Variants in CCDC192 observed in about 807,000 individuals in gnomAD.
CCDC192 encodes coiled-coil domain-containing protein 192.
At chr5:127,807,916 T>C (rs1757882387) in intron 5 of CCDC192, among the ~76,000 whole-genome samples, 1 of 152,132 alleles carries the variant, frequency 6.6e-6, no homozygotes. Context: ...AGAGCTACTT[T>C]ATTGAATGGC....
intron 2 of CCDC192, among the ~76,000 whole-genome samples, chr5:127,747,341 G>C (rs189105827): frequency 1.6e-3 from 248 of 151,888 alleles, no homozygotes; most frequent in African/African-American, 5.7e-3. Context: ...CCACCTATGA[G>C]TGAGAATATG....
chr5:127,917,393 T>G (rs1487729154), intron 6 of CCDC192, among the ~76,000 whole-genome samples: 1 of 152,240 alleles, frequency 6.6e-6, no homozygotes, highest in Non-Finnish European at 1.5e-5. Context: ...CATTCACAAC[T>G]TGGCTAACCG....
At chr5:127,806,283 G>C (rs557897646) in intron 5 of CCDC192, among the ~76,000 whole-genome samples, 85 of 152,180 alleles carry the variant, frequency 5.6e-4, no homozygotes, top group African/African-American at 2.0e-3. Flanking sequence ...ATCACACAAG[G>C]ACCCTGGCTG....
chr5:127,917,267 T>G (rs1480010334), intron 6 of CCDC192, among the ~76,000 whole-genome samples: 4 of 152,258 alleles, frequency 2.6e-5, no homozygotes, highest in African/African-American at 9.6e-5. Flanking sequence ...GGCTGGTTTG[T>G]ACTTCTATCC....
intron 6 of CCDC192, among the ~76,000 whole-genome samples, chr5:127,915,396 G>A (rs1158700312): frequency 6.6e-6 from 1 of 151,772 alleles, no homozygotes; most frequent in Admixed American, 6.6e-5. Context: ...TCTTTTTTTT[G>A]TTTTTGAGAT....
In CCDC192 at chr5:127,909,506, CAT is replaced by C. The variant is rs542388802; in HGVS notation, c.536-31675_536-31674del. Among the ~76,000 whole-genome samples the C allele has an allele frequency of 1.4e-3, 211 of 151,796 alleles. 2 individuals are homozygous for C. Among genetic ancestry groups the C allele is most frequent in the African/African-American group, 4.9e-3 (202 of 41,394 alleles). ...GAAAACAGACTTTTCCTATTTTTAA[CAT>C]GTTTGCTACTTTTTAACTTGCTACC... On this transcript the variant is annotated intron_variant, in intron 6 of 6. Coordinates refer to ENST00000514853, the MANE Select transcript of CCDC192 (RefSeq NM_001317938.2).
chr5:127,754,971 GT>G (rs1237250864), intron 3 of CCDC192, among the ~76,000 whole-genome samples: 1 of 152,150 alleles, frequency 6.6e-6, no homozygotes, highest in Non-Finnish European at 1.5e-5. Context: ...GTGGCTGTGG[GT>G]ATAAGTAAAG....
intron 6 of CCDC192, among the ~76,000 whole-genome samples, chr5:127,884,107 G>A (rs564863320): frequency 6.6e-6 from 1 of 152,100 alleles, no homozygotes; most frequent in South Asian, 2.1e-4. Flanking sequence ...GAAAGAAGAG[G>A]CTGAGGCAGG....
chr5:127,739,219 G>T (rs1753238573), intron 2 of CCDC192, among the ~76,000 whole-genome samples: 1 of 152,142 alleles, frequency 6.6e-6, no homozygotes, highest in African/African-American at 2.4e-5. Context: ...CCTGCTGGGG[G>T]GTGCCTCCCA....
chr5:127,866,530 A>G (rs1288770335), intron 5 of CCDC192, among the ~76,000 whole-genome samples: 1 of 150,430 alleles, frequency 6.6e-6, no homozygotes, highest in African/African-American at 2.5e-5. Context: ...TTGCAGCTAT[A>G]TAATATTCAA....
At chr5:127,912,193 G>A (rs1753385400) in intron 6 of CCDC192, among the ~76,000 whole-genome samples, 1 of 151,096 alleles carries the variant, frequency 6.6e-6, no homozygotes, top group African/African-American at 2.4e-5. Flanking sequence ...GCCTCCTAAA[G>A]TGCTGGGATT....
At chr5:127,883,775 T>C (rs1345471808) in intron 6 of CCDC192, among the ~76,000 whole-genome samples, 2 of 152,230 alleles carry the variant, frequency 1.3e-5, no homozygotes, top group Non-Finnish European at 2.9e-5. Context: ...TAGAGACCTG[T>C]AGGCTTAAAT....
intron 5 of CCDC192, among the ~76,000 whole-genome samples, chr5:127,853,731 C>A (rs548090522): frequency 5.9e-5 from 9 of 152,196 alleles, no homozygotes; most frequent in Non-Finnish European, 1.3e-4. Flanking sequence ...CTAGATCACA[C>A]CACTGCACTT....
intron 2 of CCDC192, among the ~76,000 whole-genome samples, chr5:127,745,297 G>A (rs1433249490): frequency 1.3e-5 from 2 of 152,172 alleles, no homozygotes; most frequent in Non-Finnish European, 2.9e-5. Flanking sequence ...TAATGAGAAG[G>A]TACTGGAATA....
chr5:127,732,535 T>C (rs963235298), intron 2 of CCDC192, among the ~76,000 whole-genome samples: 15 of 152,010 alleles, frequency 9.9e-5, no homozygotes, highest in Non-Finnish European at 1.8e-4. Flanking sequence ...TATAAAGATA[T>C]ATGCACGCAT....
At chr5:127,870,585 A>G (rs1751810375) in intron 5 of CCDC192, among the ~76,000 whole-genome samples, 1 of 152,174 alleles carries the variant, frequency 6.6e-6, no homozygotes, top group South Asian at 2.1e-4. Flanking sequence ...TTGTCTACAT[A>G]GAGAGATACT....
At chr5:127,939,205 A>G (rs374948761) in intron 6 of CCDC192, among the ~76,000 whole-genome samples, 1 of 144,130 alleles carries the variant, frequency 6.9e-6, no homozygotes, top group African/African-American at 2.6e-5. Context: ...GCAACCTGCA[A>G]CTCCCAGGTT....
At chr5:127,849,278 G>A (rs894413989) in intron 5 of CCDC192, among the ~76,000 whole-genome samples, 6 of 152,060 alleles carry the variant, frequency 3.9e-5, no homozygotes, top group Non-Finnish European at 8.8e-5. Context: ...CTTGAAATTA[G>A]TAAGCCTAGA....
intron 5 of CCDC192, among the ~76,000 whole-genome samples, chr5:127,828,067 C>T (rs555689433): frequency 5.3e-5 from 8 of 152,204 alleles, no homozygotes; most frequent in African/African-American, 1.2e-4. Flanking sequence ...CCACCATGCC[C>T]GGCTAATTTT....
Sources: allele counts gnomAD v4.1 joint callset (sites outside exome capture counted in the v4.1 genomes callset), GRCh38; gene constraint gnomAD v4.1.1; transcripts MANE v1.5; gene names NCBI Gene and HGNC (gene_info 2026-07-23, HGNC 2026-07-21).